CRADD: variants seen among roughly 807,000 people sequenced by gnomAD.
CRADD encodes death domain-containing protein CRADD.
Under a neutral mutation model 15.5 loss-of-function variants are expected in CRADD, and 9 were observed. That is an observed-to-expected ratio of 0.58 (90% CI 0.35 to 1.01). CRADD has a LOEUF of 1.01. Ranked by LOEUF, CRADD falls within the 50% of genes least tolerant of loss-of-function variation. The pLI, the probability that CRADD is intolerant of heterozygous loss-of-function variation, is 0.02. For missense variants in CRADD, 227 were observed against 250.3 expected (o/e 0.91, Z 0.63); for synonymous variants, 118 against 107.6 (o/e 1.10, Z -0.60).
rs1368495924 is a variant in CRADD at position 93,870,800 on chromosome 12, C to T, written c.299-23250C>T. The stretch of plus-strand genomic sequence containing the variant: ...CCTTTTGAGTGGCATGGGGGTTCTT[C>T]CCAGAGAGAAAGGCAGGCCATAGGA... On this transcript the variant is annotated intron_variant, in intron 2 of 2. Transcript: ENST00000548483. 2.6e-5 allele frequency among the ~76,000 whole-genome samples: 4 copies of T among 152,310 alleles called. No homozygotes were observed. In the South Asian group the frequency reaches 8.3e-4, roughly 32 times the overall value.
chr12:93,803,296 A>G (rs1957494837), intron 2 of CRADD, among the ~76,000 whole-genome samples: 1 of 152,078 alleles, frequency 6.6e-6, no homozygotes. Context: ...TCTCTCTTTC[A>G]TCTTCCTTTT....
chr12:93,731,028 T>A (rs1956455387), intron 2 of CRADD, among the ~76,000 whole-genome samples: 1 of 152,142 alleles, frequency 6.6e-6, no homozygotes, highest in Admixed American at 6.5e-5. Flanking sequence ...GACCCTCATT[T>A]GCTATTGGAT....
At chr12:93,694,772 A>G (rs1346170485) in intron 2 of CRADD, among the ~76,000 whole-genome samples, 9 of 152,326 alleles carry the variant, frequency 5.9e-5, no homozygotes, top group African/African-American at 1.9e-4. Context: ...AAAAACCTGT[A>G]TAATGAAAAC....
intron 2 of CRADD, among the ~76,000 whole-genome samples, chr12:93,826,116 T>C (rs1207032999): frequency 6.6e-6 from 1 of 152,242 alleles, no homozygotes; most frequent in Non-Finnish European, 1.5e-5. Flanking sequence ...AGAGATATTC[T>C]TTGTAACTGA....
chr12:93,708,181 C>T (rs1023958972), intron 2 of CRADD: 3 of 152,100 alleles, frequency 2.0e-5, no homozygotes, highest in Admixed American at 6.5e-5. Context: ...TGATTCTTGC[C>T]GTTGAGACAT....
intron 2 of CRADD, chr12:93,846,347 A>G (rs1012920655): frequency 6.6e-6 from 1 of 152,110 alleles, no homozygotes; most frequent in African/African-American, 2.4e-5. Context: ...ATTTTTGAGG[A>G]ACTGCCATAC....
intron 2 of CRADD, among the ~76,000 whole-genome samples, chr12:93,743,666 C>G (rs1038172369): frequency 6.6e-6 from 1 of 152,160 alleles, no homozygotes; most frequent in African/African-American, 2.4e-5. Flanking sequence ...GAGGGTGGTG[C>G]ATGCTTGAAG....
intron 2 of CRADD, among the ~76,000 whole-genome samples, chr12:93,830,820 C>T (rs998059201): frequency 6.6e-6 from 1 of 152,150 alleles, no homozygotes; most frequent in African/African-American, 2.4e-5. Context: ...TAGAAAAGGT[C>T]GTGTTGAAGC....
At chr12:93,845,578 A>AT (rs1555228663) in intron 2 of CRADD, among the ~76,000 whole-genome samples, 56 of 77,370 alleles carry the variant, frequency 7.2e-4, no homozygotes, top group South Asian at 5.2e-3. Context: ...ATATATATAT[A>AT]TTTTTAATAA....
At chr12:93,832,432 T>G (rs2137031127) in intron 2 of CRADD, among the ~76,000 whole-genome samples, 1 of 152,350 alleles carries the variant, frequency 6.6e-6, no homozygotes, top group South Asian at 2.1e-4. Flanking sequence ...TTAGCGTTAC[T>G]GATAATCTTA....
intron 2 of CRADD, among the ~76,000 whole-genome samples, chr12:93,830,481 G>A (rs1593026123): frequency 1.3e-5 from 2 of 151,998 alleles, no homozygotes; most frequent in South Asian, 4.2e-4. Context: ...TTCTTTTAAA[G>A]GAAACTTTTA....
chr12:93,803,768 C>T (rs779864543), intron 2 of CRADD, among the ~76,000 whole-genome samples: 3 of 151,916 alleles, frequency 2.0e-5, no homozygotes, highest in Non-Finnish European at 4.4e-5. Context: ...TATGTTACCT[C>T]CATGGCAAAG....
intron 2 of CRADD, among the ~76,000 whole-genome samples, chr12:93,872,172 G>A (rs969819287): frequency 5.3e-5 from 8 of 152,136 alleles, no homozygotes; most frequent in African/African-American, 1.9e-4. Context: ...ATAATGTTGA[G>A]CACCTTTTCA....
chr12:93,786,193 G>C (rs1415134133), intron 2 of CRADD, among the ~76,000 whole-genome samples: 1 of 152,170 alleles, frequency 6.6e-6, no homozygotes, highest in Non-Finnish European at 1.5e-5. Flanking sequence ...GGCCCCCTTT[G>C]GCTGGCCAGT....
chr12:93,838,562 CTCT>C lies in CRADD; in HGVS notation c.299-11406_299-11404del, dbSNP rs199761465. ...TCCTCCCTTGCTTCTCTCTTTCTCT[CTCT>C]TTTTTTTTTTTTTCCTTTGCGCTCA... is the stretch of plus-strand genomic sequence containing the variant. On this transcript the variant is annotated intron_variant, in intron 2 of 2. Coordinates refer to ENST00000332896, the MANE Select transcript of CRADD (RefSeq NM_003805.5). Among the ~76,000 whole-genome samples, 739 of 139,862 alleles carry C rather than the reference CTCT, an allele frequency of 5.3e-3. 8 individuals carry two copies. The highest frequency in any genetic ancestry group is 0.015 in the African/African-American group (538 of 35,054). 91.8% of individuals were successfully genotyped at this position (139,862 alleles called of 152,430 possible).
chr12:93,746,357 C>T (rs1956750365), intron 2 of CRADD, among the ~76,000 whole-genome samples: 1 of 152,212 alleles, frequency 6.6e-6, no homozygotes, highest in South Asian at 2.1e-4. Flanking sequence ...CACAGGATTT[C>T]TAATATTACC....
intron 2 of CRADD, among the ~76,000 whole-genome samples, chr12:93,805,774 G>C (rs1349587306): frequency 6.6e-6 from 1 of 152,118 alleles, no homozygotes; most frequent in Non-Finnish European, 1.5e-5. Flanking sequence ...CCATGCAGCA[G>C]CCTGCTTGTC....
At chr12:93,810,227 G>A (rs1957606650) in intron 2 of CRADD, among the ~76,000 whole-genome samples, 1 of 141,778 alleles carries the variant, frequency 7.1e-6, no homozygotes, top group African/African-American at 3.1e-5. Flanking sequence ...GAGAAGACAG[G>A]AAGAGAAAGA....
intron 2 of CRADD, among the ~76,000 whole-genome samples, chr12:93,818,805 G>A (rs1957737515): frequency 6.6e-6 from 1 of 152,194 alleles, no homozygotes; most frequent in African/African-American, 2.4e-5. Context: ...CTGTCCCTGA[G>A]AAATCCTCCC....
Sources: gnomAD v4.1 joint callset for allele counts (sites outside exome capture counted in the v4.1 genomes callset) on GRCh38, gnomAD v4.1.1 for gene constraint, MANE v1.5 for transcripts, NCBI Gene and HGNC (gene_info 2026-07-23, HGNC 2026-07-21) for gene names.